The following RBM19 variants were observed in gnomAD, a reference collection of about 807,000 sequenced individuals.
RBM19 encodes the protein probable RNA-binding protein 19.
Under a neutral mutation model 116.8 loss-of-function variants are expected in RBM19, and 94 were observed. The ratio of observed to expected loss-of-function variants is 0.80; its 90% CI spans 0.68 to 0.95. RBM19 has a LOEUF of 0.95. Ranked by LOEUF, RBM19 falls within the 40% of genes least tolerant of loss-of-function variation. The pLI is 0.00. For synonymous variants in RBM19, 475 were observed against 494.1 expected, an observed-to-expected ratio of 0.96 and a Z score of 0.51; for missense variants, 1,161 against 1,220.7, an observed-to-expected ratio of 0.95 and a Z score of 0.73.
intron 16 of RBM19, among the ~76,000 whole-genome samples, chr12:113,934,678 A>C (rs563173863): frequency 3.0e-4 from 46 of 152,292 alleles, no homozygotes; most frequent in African/African-American, 1.1e-3. Context: ...GGAAGTGATA[A>C]GCATTTGAAA....
rs763718755 is a variant in RBM19, at chr12:113,920,688, C to A, written c.2308G>T (p.Val770Leu). 6.2e-7 allele frequency: 1 copy of A among 1,613,698 alleles called. No homozygotes were observed. The highest frequency in any genetic ancestry group is 1.1e-5 in the South Asian group (1 of 91,070). ...AATCCAAACCCCATGGAAAGGAGCA[C>A]TCCTGAGAGAGAGAGGTGGAAATCA... Reference protein sequence around the residue: ...SISKKKNKAGVLLSMGFGFVE... With the variant: ...SISKKKNKAGLLLSMGFGFVE... The change falls in exon 19 of 24, where the codon GTG becomes TTG. Residue 770 changes from valine (V) to leucine (L), a missense_variant and splice_region_variant. Coordinates refer to ENST00000261741, the MANE Select transcript of RBM19 (RefSeq NM_016196.4).
intron 21 of RBM19, among the ~76,000 whole-genome samples, chr12:113,889,865 C>T (rs1424573177): frequency 2.0e-5 from 3 of 151,802 alleles, no homozygotes; most frequent in Non-Finnish European, 4.4e-5. Context: ...TACATGCATT[C>T]CATTGCATTT....
Position 113,863,282 on chromosome 12 carries a change from T to C in RBM19, c.2559-4386A>G, listed in dbSNP as rs377679217. ...TGGGGATTTCCTCTCTCCGTGCAAA[T>C]TGCGTGCCCCCTGACTGGTCTTGCC... is the stretch of plus-strand genomic sequence containing the variant. On this transcript the variant is annotated intron_variant, in intron 21 of 23. Transcript: ENST00000261741. Among the ~76,000 whole-genome samples the C allele has an allele frequency of 9.2e-5, 14 of 151,904 alleles. No individual in the cohort carries two copies. In the East Asian group the frequency reaches 1.2e-3, roughly 13 times the overall value.
At chr12:113,915,664 G>A (rs1250044042) in intron 20 of RBM19, among the ~76,000 whole-genome samples, 1 of 152,222 alleles carries the variant, frequency 6.6e-6, no homozygotes, top group East Asian at 1.9e-4. Flanking sequence ...CAAGCTGGGT[G>A]TGAATGCCAA....
chr12:113,818,708 G>A (rs11066769), downstream of RBM19, among the ~76,000 whole-genome samples: 48,899 of 152,118 alleles, frequency 0.32, 8,574 homozygotes, highest in Non-Finnish European at 0.38. Flanking sequence ...GACATGGAAC[G>A]CAAGGCCTGG....
intron 2 of RBM19, 76 bp from the exon 3 acceptor site, chr12:113,960,254 G>A: frequency 1.9e-6 from 3 of 1,596,146 alleles, no homozygotes; most frequent in Non-Finnish European, 8.6e-7. Context: ...GCACCTGGGA[G>A]CTCGGGCATT....
At chr12:113,840,452 C>T (rs1318586054) in intron 23 of RBM19, among the ~76,000 whole-genome samples, 1 of 152,240 alleles carries the variant, frequency 6.6e-6, no homozygotes, top group Non-Finnish European at 1.5e-5. Context: ...ATAACCCCTA[C>T]CTCTGGCAAC....
At chr12:113,965,344 A>AGC (rs1182479323) in intron 1 of RBM19, among the ~76,000 whole-genome samples, 8 of 141,376 alleles carry the variant, frequency 5.7e-5, no homozygotes, top group Middle Eastern at 3.5e-3. Flanking sequence ...TGAAAGAGAG[A>AGC]GAAAAAAAAG....
intron 15 of RBM19, 181 bp from the exon 16 acceptor site, chr12:113,937,317 C>T (rs1009052134): frequency 3.7e-5 from 24 of 648,300 alleles, no homozygotes; most frequent in Admixed American, 2.3e-4. Flanking sequence ...GGACAACATT[C>T]GGCCCCCATG....
chr12:113,837,683 C>A (rs113304498), intron 23 of RBM19, among the ~76,000 whole-genome samples: 1 of 152,230 alleles, frequency 6.6e-6, no homozygotes, highest in Non-Finnish European at 1.5e-5. Flanking sequence ...TACAAATACT[C>A]GGTACAGCAG....
At chr12:113,958,887 T>C (rs1429820030) in intron 5 of RBM19, among the ~76,000 whole-genome samples, 1 of 152,216 alleles carries the variant, frequency 6.6e-6, no homozygotes, top group Non-Finnish European at 1.5e-5. Flanking sequence ...AGTGGACTTA[T>C]TTGCTTATTG....
chr12:113,920,545 G>C, intron 19 of RBM19, 66 bp downstream of exon 19: 1 of 1,388,340 alleles, frequency 7.2e-7, no homozygotes, highest in South Asian at 1.2e-5. Context: ...ATTTCAGAGG[G>C]CTGACGGGAC....
intron 13 of RBM19, among the ~76,000 whole-genome samples, chr12:113,944,164 A>C (rs1338399582): frequency 7.6e-6 from 1 of 132,116 alleles, no homozygotes; most frequent in Non-Finnish European, 1.5e-5. Context: ...CAGTGGCATG[A>C]TCTCGGCTCA....
In RBM19 at chr12:113,902,922, T is replaced by C. The variant is rs571019661; in HGVS notation, c.2558+12047A>G. 1.1e-4 allele frequency among the ~76,000 whole-genome samples: 17 copies of C among 152,316 alleles called. No individual in the cohort carries two copies. In the South Asian group the frequency reaches 3.3e-3, roughly 30 times the overall value. ...ATTGAGATATAATTCACATCTTATA[T>C]AGTTCACCCATTTAAAGTGCACAAC... On this transcript the variant is annotated intron_variant, in intron 21 of 23. Transcript: ENST00000261741.
intron 21 of RBM19, among the ~76,000 whole-genome samples, chr12:113,860,643 C>T (rs947728851): frequency 2.6e-5 from 4 of 152,186 alleles, no homozygotes; most frequent in Non-Finnish European, 5.9e-5. Context: ...TTCCTCTGTC[C>T]GTGCCTTGGC....
At chr12:113,831,295 T>C (rs1875387791) in intron 23 of RBM19, among the ~76,000 whole-genome samples, 1 of 152,244 alleles carries the variant, frequency 6.6e-6, no homozygotes, top group South Asian at 2.1e-4. Context: ...AAAACCCCAC[T>C]ACTTTCATTT....
At chr12:113,924,936 T>G (rs930956350) in intron 17 of RBM19, among the ~76,000 whole-genome samples, 179 bp from the exon 18 acceptor site, 4 of 152,086 alleles carry the variant, frequency 2.6e-5, no homozygotes, top group Non-Finnish European at 5.9e-5. Flanking sequence ...GAGTTCCCCA[T>G]AAGAGCAGCT....
chr12:113,845,130 A>G (rs971538753), intron 22 of RBM19, among the ~76,000 whole-genome samples: 3 of 152,138 alleles, frequency 2.0e-5, no homozygotes, highest in African/African-American at 7.2e-5. Context: ...GGCTGTCTGC[A>G]TGGCGGCCAC....
chr12:113,895,820 C>T (rs1881280282), intron 21 of RBM19, among the ~76,000 whole-genome samples: 1 of 149,820 alleles, frequency 6.7e-6, no homozygotes, highest in South Asian at 2.1e-4. Flanking sequence ...AGGATATATA[C>T]TATATATCTA....
Sources: gnomAD v4.1 joint callset for allele counts (sites outside exome capture counted in the v4.1 genomes callset) on GRCh38, gnomAD v4.1.1 for gene constraint, MANE v1.5 for transcripts, NCBI Gene and HGNC (gene_info 2026-07-23, HGNC 2026-07-21) for gene names.